The following ACVR1 variants were observed in gnomAD, a reference collection of about 807,000 sequenced individuals.
The protein encoded by ACVR1 is activin receptor type-1.
Under a neutral mutation model 57.1 loss-of-function variants are expected in ACVR1, and 38 were observed. The observed-to-expected ratio is 0.67, with a 90% CI of 0.51 to 0.87. The LOEUF (loss-of-function observed/expected upper bound fraction) is 0.87, where lower values mean the gene tolerates loss of function less well. ACVR1 is among the 40% of genes least tolerant of loss of function. ACVR1 has a pLI of 0.00. For synonymous variants in ACVR1, 212 were observed against 228.1 expected (o/e 0.93, Z 0.63); for missense variants, 463 against 638.2 (o/e 0.73, Z 2.96).
At chr2:157,749,702 G>C (rs79310165) in intron 9 of ACVR1, among the ~76,000 whole-genome samples, 2 of 152,174 alleles carry the variant, frequency 1.3e-5, no homozygotes, top group Non-Finnish European at 2.9e-5. Flanking sequence ...CTACAGGCAC[G>C]ATCAGGGGGC....
intron 8 of ACVR1, among the ~76,000 whole-genome samples, chr2:157,763,040 T>C (rs1017444369): frequency 1.3e-5 from 2 of 152,226 alleles, no homozygotes; most frequent in African/African-American, 4.8e-5. Context: ...TACAGGTGAT[T>C]TGTTCTTAGT....
chr2:157,802,223 T>C (rs1354899457), intron 2 of ACVR1, among the ~76,000 whole-genome samples: 1 of 151,920 alleles, frequency 6.6e-6, no homozygotes, highest in Admixed American at 6.6e-5. Flanking sequence ...AGAGGGTGAA[T>C]ACAGGACACA....
intron 1 of ACVR1, chr2:157,826,726 GAAA>G (rs1688370809): frequency 1.9e-5 from 1 of 52,668 alleles, no homozygotes; most frequent in South Asian, 7.4e-4. Flanking sequence ...GAAAGGAAAG[GAAA>G]GGAAAGGAAA....
Position 157,736,948 on chromosome 2 carries a change from T to C in ACVR1, c.*583A>G, listed in dbSNP as rs1439003276. 6.4e-6 allele frequency: 2 copies of C among 310,850 alleles called. No homozygotes were observed. Among genetic ancestry groups the C allele is most frequent in the Non-Finnish European group, 1.2e-5 (2 of 168,224 alleles). The allele number at this position is 310,850 out of a possible 1,614,324, so 19.3% of individuals were successfully genotyped here. On this transcript the variant is annotated 3_prime_UTR_variant, in exon 11 of 11. Coordinates refer to ENST00000434821, the MANE Select transcript of ACVR1 (RefSeq NM_001111067.4). ...CGGCATCATTGTAAACATCAGCACATGTGTAAAATGCAGCAAAGTCTGACA... is the reference window on the plus strand; with the variant it reads ...CGGCATCATTGTAAACATCAGCACACGTGTAAAATGCAGCAAAGTCTGACA...
chr2:157,780,895 CCT>C (rs1686493924), intron 3 of ACVR1, among the ~76,000 whole-genome samples: 1 of 152,164 alleles, frequency 6.6e-6, no homozygotes, highest in South Asian at 2.1e-4. Context: ...AGCTTCTCCC[CCT>C]GTGGTGTTCA....
At chr2:157,834,053 C>G (rs1045345717) in intron 1 of ACVR1, among the ~76,000 whole-genome samples, 1 of 152,174 alleles carries the variant, frequency 6.6e-6, no homozygotes, top group South Asian at 2.1e-4. Flanking sequence ...TTTGTTCATA[C>G]AAAGGGCAGG....
chr2:157,830,448 C>A lies in ACVR1; in HGVS notation c.-182-11889G>T, dbSNP rs115167552. On this transcript the variant is annotated intron_variant, in intron 1 of 10. Coordinates refer to ENST00000434821, the MANE Select transcript of ACVR1 (RefSeq NM_001111067.4). ...AAAAACAAAACAAACTTCCCCAAAC[C>A]CTAAGTTATAGACAAAGAGAACTAC... Among the ~76,000 whole-genome samples the A allele has an allele frequency of 3.2e-3, 491 of 152,154 alleles. 1 individual carries two copies. Among genetic ancestry groups the A allele is most frequent in the African/African-American group, 0.011 (449 of 41,512 alleles).
chr2:157,852,470 G>T (rs994361542), intron 1 of ACVR1, among the ~76,000 whole-genome samples: 3 of 145,280 alleles, frequency 2.1e-5, no homozygotes, highest in Non-Finnish European at 4.5e-5. Context: ...GTACTATACA[G>T]CCTGGATGAC....
At chr2:157,834,335 T>C (rs1688700379) in intron 1 of ACVR1, among the ~76,000 whole-genome samples, 1 of 152,062 alleles carries the variant, frequency 6.6e-6, no homozygotes, top group Non-Finnish European at 1.5e-5. Flanking sequence ...TCAGGTGATC[T>C]GCCTGCCTCG....
intron 9 of ACVR1, among the ~76,000 whole-genome samples, chr2:157,753,981 G>A (rs1685313773): frequency 6.6e-6 from 1 of 152,148 alleles, no homozygotes; most frequent in Non-Finnish European, 1.5e-5. Flanking sequence ...CAAATAGATG[G>A]AAATTAAATC....
At chr2:157,765,712 T>C (rs1197758249) in intron 8 of ACVR1, among the ~76,000 whole-genome samples, 8 of 152,190 alleles carry the variant, frequency 5.3e-5, no homozygotes, top group Admixed American at 5.2e-4. Context: ...GGGAGATGAA[T>C]AGATGAATAA....
At chr2:157,850,254 G>A (rs975816430) in intron 1 of ACVR1, among the ~76,000 whole-genome samples, 1 of 152,094 alleles carries the variant, frequency 6.6e-6, no homozygotes, top group African/African-American at 2.4e-5. Context: ...GCTAGGTGTG[G>A]TGGTGCACAC....
intron 9 of ACVR1, among the ~76,000 whole-genome samples, chr2:157,748,335 T>C (rs959176420): frequency 2.0e-5 from 3 of 152,160 alleles, no homozygotes; most frequent in African/African-American, 4.8e-5. Context: ...TCCTCTTCAT[T>C]TGGGGCAAGT....
intron 1 of ACVR1, among the ~76,000 whole-genome samples, chr2:157,848,024 G>A (rs904205233): frequency 1.3e-5 from 2 of 152,098 alleles, no homozygotes; most frequent in Admixed American, 6.5e-5. Flanking sequence ...CAGCCAAGAG[G>A]AACCCTAGGG....
chr2:157,817,660 T>C (rs1388188664), intron 2 of ACVR1, among the ~76,000 whole-genome samples: 1 of 152,146 alleles, frequency 6.6e-6, no homozygotes, highest in African/African-American at 2.4e-5. Context: ...TGCTCAATTT[T>C]GCTGTGAACC....
chr2:157,850,664 G>A (rs544352593), intron 1 of ACVR1, among the ~76,000 whole-genome samples: 1 of 152,164 alleles, frequency 6.6e-6, no homozygotes, highest in Admixed American at 6.5e-5. Context: ...AAAAGAAAAA[G>A]AAGTTTACTT....
intron 7 of ACVR1, among the ~76,000 whole-genome samples, chr2:157,766,465 T>G (rs1414694445): frequency 6.6e-6 from 1 of 152,244 alleles, no homozygotes; most frequent in African/African-American, 2.4e-5. Context: ...AAGTTTCAGA[T>G]AGCAATAATA....
In ACVR1 at chr2:157,875,896, G is replaced by C. The variant is rs1490278306; in HGVS notation, c.-283C>G. Reference sequence around the variant, plus strand: ...GGCGCGGGGCGGCGCGGGGCGGGGCGGGGCGGTGCAGCCGGCGAGGGAGCC... The same window carrying C: ...GGCGCGGGGCGGCGCGGGGCGGGGCCGGGCGGTGCAGCCGGCGAGGGAGCC... On this transcript the variant is annotated 5_prime_UTR_variant, in exon 1 of 11. Coordinates refer to ENST00000434821, the MANE Select transcript of ACVR1 (RefSeq NM_001111067.4). 2 of 147,960 alleles carry C rather than the reference G, an allele frequency of 1.4e-5. No homozygotes were observed. Among genetic ancestry groups the C allele is most frequent in the Admixed American group, 6.8e-5 (1 of 14,788 alleles). 9.2% of individuals were successfully genotyped at this position (147,960 alleles called of 1,614,324 possible).
intron 1 of ACVR1, among the ~76,000 whole-genome samples, chr2:157,818,900 A>T (rs1473325062): frequency 1.3e-5 from 2 of 151,560 alleles, no homozygotes; most frequent in African/African-American, 2.4e-5. Flanking sequence ...AAAACGGTGA[A>T]ACCCCGTCTC....
Sources: allele counts gnomAD v4.1 joint callset (sites outside exome capture counted in the v4.1 genomes callset), GRCh38; gene constraint gnomAD v4.1.1; transcripts MANE v1.5; gene names NCBI Gene and HGNC (gene_info 2026-07-23, HGNC 2026-07-21).